The following TSPEAR variants were observed in gnomAD, a reference collection of about 807,000 sequenced individuals.
The protein encoded by TSPEAR is thrombospondin type laminin G domain and EAR repeats.
TSPEAR carries 69 observed loss-of-function variants against 71.6 expected under a neutral mutation model. That is an observed-to-expected ratio of 0.96 (90% CI 0.79 to 1.18). TSPEAR has a LOEUF of 1.18. Ranked by LOEUF, TSPEAR falls within the 50% of genes most tolerant of loss-of-function variation. TSPEAR has a pLI of 0.00. For missense variants in TSPEAR, 971 were observed against 894.9 expected (o/e 1.09, Z -1.09); for synonymous variants, 402 against 387.2 (o/e 1.04, Z -0.45).
rs143981537 is a variant in TSPEAR, at chr21:44,664,384, A to C, written c.82+47049T>G. Among the ~76,000 whole-genome samples, 87 of 152,344 alleles carry C rather than the reference A, an allele frequency of 5.7e-4. 1 individual carries two copies. The South Asian group carries it at 6.2e-3, about 11-fold the overall frequency. The stretch of plus-strand genomic sequence containing the variant: ...GGGATAAATTCTGGGGGAAATATAT[A>C]AAATGTATACATTGAAAACTACAAA... On this transcript the variant is annotated intron_variant, in intron 1 of 11. Transcript: ENST00000323084.
intron 1 of TSPEAR, among the ~76,000 whole-genome samples, chr21:44,639,885 G>C (rs1316456383): frequency 6.6e-6 from 1 of 152,166 alleles, no homozygotes; most frequent in Non-Finnish European, 1.5e-5. Flanking sequence ...CTCCTGGTGG[G>C]GGGTCTCAGC....
At chr21:44,573,585 C>A in intron 1 of TSPEAR, 1 of 1,133,008 alleles carries the variant, frequency 8.8e-7, no homozygotes. Flanking sequence ...TGTTTATTCT[C>A]CTGGAGCTGG....
chr21:44,685,890 C>A (rs1555948862), intron 1 of TSPEAR, among the ~76,000 whole-genome samples: 1 of 152,214 alleles, frequency 6.6e-6, no homozygotes, highest in Non-Finnish European at 1.5e-5. Context: ...GTATCAGCCA[C>A]CCCGAATGCT....
intron 1 of TSPEAR, among the ~76,000 whole-genome samples, chr21:44,639,053 G>A (rs949966067): frequency 1.1e-4 from 17 of 152,270 alleles, no homozygotes; most frequent in South Asian, 6.2e-4. Context: ...CATCGCTGGC[G>A]AGAGCACAGA....
In TSPEAR at chr21:44,627,989, G is replaced by A. The variant is rs587668632; in HGVS notation, c.83-59984C>T. 125 of 1,611,006 alleles carry A rather than the reference G, an allele frequency of 7.8e-5. 1 individual carries two copies. In the South Asian group the frequency reaches 9.3e-4, roughly 12 times the overall value. ...GCCTCCTGTGTGTCCCTTCTCTGCCGCCCTGTGTGCTCCCGCCCGGCCTGC... is the reference window on the plus strand; with the variant it reads ...GCCTCCTGTGTGTCCCTTCTCTGCCACCCTGTGTGCTCCCGCCCGGCCTGC... On this transcript the variant is annotated intron_variant, in intron 1 of 11. Coordinates refer to ENST00000323084, the MANE Select transcript of TSPEAR (RefSeq NM_144991.3).
intron 2 of TSPEAR, chr21:44,539,109 C>T (rs2053150340): frequency 4.0e-6 from 4 of 1,002,434 alleles, no homozygotes; most frequent in Non-Finnish European, 4.2e-6. Flanking sequence ...TGGGCACCTG[C>T]TGGAAGGCAA....
At chr21:44,512,672 G>A (rs233227) in intron 9 of TSPEAR, among the ~76,000 whole-genome samples, 2,662 of 152,270 alleles carry the variant, frequency 0.017, 44 homozygotes, top group Admixed American at 0.027. Context: ...TGCCTCCAGG[G>A]CAGGGATTGT....
intron 1 of TSPEAR, chr21:44,575,020 G>A (rs1978340617): frequency 1.3e-6 from 2 of 1,593,682 alleles, no homozygotes; most frequent in Non-Finnish European, 8.6e-7. Flanking sequence ...CAGAAGCCCA[G>A]CTGCTGATGG....
Position 44,627,931 on chromosome 21 carries a change from A to G in TSPEAR, c.83-59926T>C, listed in dbSNP as rs587684132. On this transcript the variant is annotated intron_variant, in intron 1 of 11. Transcript: ENST00000323084. ...GCCCGTCTCCTCCTGCTGTGCCCCC[A>G]CCTCCTCCCGCCAGCCCAGCTATTG... 1.0e-4 allele frequency: 156 copies of G among 1,513,176 alleles called. 1 individual carries two copies. The highest frequency in any genetic ancestry group is 7.5e-4 in the African/African-American group (53 of 70,736). 93.7% of individuals were successfully genotyped at this position (1,513,176 alleles called of 1,614,324 possible).
intron 10 of TSPEAR, chr21:44,508,800 G>A: frequency 1.5e-6 from 2 of 1,327,642 alleles, no homozygotes; most frequent in Non-Finnish European, 2.0e-6. Flanking sequence ...CATGTCTGGT[G>A]GCAGCTGGCA....
At chr21:44,601,579 G>A (rs369720) in intron 1 of TSPEAR, 138,521 of 1,613,104 alleles carry the variant, frequency 0.086, 11,173 homozygotes, top group African/African-American at 0.4. Context: ...GTGCAGGCCC[G>A]CCTGCTGCGT....
intron 1 of TSPEAR, among the ~76,000 whole-genome samples, chr21:44,670,353 C>T (rs1170669790): frequency 6.6e-6 from 1 of 150,926 alleles, no homozygotes; most frequent in African/African-American, 2.4e-5. Context: ...GCCTCTTCCA[C>T]AAAGAACCCA....
At position 44,591,721 on chromosome 21, in the gene TSPEAR, C is replaced by T. The variant is rs1555926617; in HGVS notation, c.83-23716G>A. On this transcript the variant is annotated intron_variant, in intron 1 of 11. Transcript: ENST00000323084. ...GGAGGTGCAGCAAGCTGGCTGGCAG[C>T]TAGACTGCTGGCAGCATGAAGAGGA... The T allele has an allele frequency of 1.3e-6, 2 of 1,596,708 alleles. No individual in the cohort carries two copies. Among genetic ancestry groups the T allele is most frequent in the Admixed American group, 1.7e-5 (1 of 58,772 alleles).
intron 2 of TSPEAR, among the ~76,000 whole-genome samples, chr21:44,535,118 G>C (rs2053066619): frequency 6.6e-6 from 1 of 152,154 alleles, no homozygotes; most frequent in African/African-American, 2.4e-5. Flanking sequence ...TTTCAGTGTT[G>C]GGAGACGAAG....
intron 1 of TSPEAR, among the ~76,000 whole-genome samples, chr21:44,598,139 A>G (rs443484): frequency 0.24 from 36,481 of 152,032 alleles, 9,139 homozygotes; most frequent in African/African-American, 0.63. Context: ...CAACATCACT[A>G]GCATTATCAG....
intron 1 of TSPEAR, among the ~76,000 whole-genome samples, chr21:44,586,781 T>A (rs1157309358): frequency 6.6e-6 from 1 of 152,050 alleles, no homozygotes; most frequent in Non-Finnish European, 1.5e-5. Flanking sequence ...ATAAACAGAA[T>A]TAAAAACAAA....
At chr21:44,516,282 G>A (rs1267350391) in intron 9 of TSPEAR, 1 of 152,314 alleles carries the variant, frequency 6.6e-6, no homozygotes, top group African/African-American at 2.4e-5. Flanking sequence ...GCAGTGGCCA[G>A]GGCTGCCAGG....
intron 1 of TSPEAR, among the ~76,000 whole-genome samples, chr21:44,659,065 C>G (rs1317491489): frequency 6.6e-6 from 1 of 152,128 alleles, no homozygotes; most frequent in African/African-American, 2.4e-5. Flanking sequence ...TTCTCCAAGT[C>G]CCACATGCAA....
At chr21:44,618,399 G>A (rs1982241230) in intron 1 of TSPEAR, among the ~76,000 whole-genome samples, 2 of 152,170 alleles carry the variant, frequency 1.3e-5, no homozygotes, top group South Asian at 4.1e-4. Context: ...CTCAGTCTTG[G>A]ATAGTATCTT....
Sources: gnomAD v4.1 joint callset for allele counts (sites outside exome capture counted in the v4.1 genomes callset) on GRCh38, gnomAD v4.1.1 for gene constraint, MANE v1.5 for transcripts, NCBI Gene and HGNC (gene_info 2026-07-23, HGNC 2026-07-21) for gene names.